Variants in EPX observed in about 807,000 individuals in gnomAD.
The protein encoded by EPX is eosinophil peroxidase.
EPX carries 60 observed loss-of-function variants against 73.0 expected under a neutral mutation model. The observed-to-expected ratio is 0.82, with a 90% CI of 0.67 to 1.02. EPX has a LOEUF of 1.02. EPX is among the 50% of genes least tolerant of loss of function. The probability of loss-of-function intolerance (pLI) is 0.00; values close to 1 mark genes in which losing one functional copy is unlikely to be tolerated. For synonymous variants in EPX, 347 were observed against 389.2 expected (o/e 0.89, Z 1.28); for missense variants, 950 against 973.9 (o/e 0.98, Z 0.33).
chr17:58,199,024 G>A lies in EPX; in HGVS notation c.1121-16G>A. On this transcript the variant is annotated splice_polypyrimidine_tract_variant and intron_variant, in intron 7 of 12. Coordinates refer to ENST00000225371, the MANE Select transcript of EPX (RefSeq NM_000502.6). ...CTGGGAAAGGCTGCAGTAAATCTGA[G>A]CTTGGGGTTTTCAAGGTGACACCCG... The A allele has an allele frequency of 3.1e-6, 5 of 1,612,926 alleles. No homozygotes were observed. Among genetic ancestry groups the A allele is most frequent in the Non-Finnish European group, 4.2e-6 (5 of 1,179,912 alleles).
chr17:58,199,100 A>G lies in EPX; in HGVS notation c.1181A>G (p.Glu394Gly), dbSNP rs761071437. The G allele has an allele frequency of 1.4e-5, 22 of 1,613,796 alleles. No homozygotes were observed. The highest frequency in any genetic ancestry group is 1.7e-5 in the Admixed American group (1 of 59,984). Residue 394 changes from glutamate to glycine, a missense_variant, in exon 8 of 13, where the codon GAG becomes GGG. Transcript: ENST00000225371. ...GCCATGCACACCCTCTTTATGCGAG[A>G]GCACAACCGGCTGGCCACCGAGCTG... The part of the protein sequence containing the change: ...LAAMHTLFMR[E>G]HNRLATELRR...
At chr17:58,199,250 GA>G in intron 8 of EPX, 50 bp downstream of exon 8, 1 of 1,589,738 alleles carries the variant, frequency 6.3e-7, no homozygotes, top group Non-Finnish European at 8.6e-7. Flanking sequence ...CTTGGCATGA[GA>G]AGCAGTCCTT....
rs375820407 is a variant in EPX at position 58,193,062 on chromosome 17, C to T, written c.101C>T (p.Ser34Leu). 17 of 1,612,812 alleles carry T rather than the reference C, an allele frequency of 1.1e-5. No individual in the cohort carries two copies. Among genetic ancestry groups the T allele is most frequent in the African/African-American group, 2.7e-5 (2 of 74,902 alleles). Residue 34 changes from serine (S) to leucine (L), a missense_variant, in exon 2 of 13, where the codon TCG (serine) becomes TTG (leucine). Ser to Leu is a moderately radical substitution (Grantham distance 145). Coordinates refer to ENST00000225371, the MANE Select transcript of EPX (RefSeq NM_000502.6). ...GCCTCCCCTGGGGCAGTGGAGACCT[C>T]GGTCCTGCGAGACTGCATAGCAGAG... Reference protein sequence around the residue: ...DPASPGAVETSVLRDCIAEAK... With the variant: ...DPASPGAVETLVLRDCIAEAK...
intron 11 of EPX, among the ~76,000 whole-genome samples, chr17:58,203,848 C>T (rs977159619): frequency 5.3e-5 from 7 of 132,494 alleles, no homozygotes; most frequent in East Asian, 2.5e-4. Context: ...AGGAGAATGG[C>T]GTGAACCCGG....
At chr17:58,200,439 G>A (rs761121520) in intron 10 of EPX, 44 bp downstream of exon 10, 7 of 1,590,708 alleles carry the variant, frequency 4.4e-6, no homozygotes, top group Non-Finnish European at 6.0e-6. Flanking sequence ...GCTCGGGCCA[G>A]GCTGCTCAAG....
rs762360092 is a variant in EPX at position 58,193,491 on chromosome 17, G to C, written c.291G>C (p.Leu97Phe). 21 of 1,614,072 alleles carry C rather than the reference G, an allele frequency of 1.3e-5. No homozygotes were observed. The highest frequency in any genetic ancestry group is 1.0e-5 in the Non-Finnish European group (12 of 1,180,040). The change falls in exon 3 of 13, where the codon TTG becomes TTC. Residue 97 changes from leucine to phenylalanine, a missense_variant. Physicochemically the swap from Leu to Phe is conservative, Grantham distance 22. Transcript: ENST00000225371. ...VRAADYMHVA[L>F]GLLEEKLQPQ... Reference sequence around the variant, plus strand: ...CCGCAGATTATATGCATGTGGCTTTGGGGCTGCTTGAAGAGAAGTTACAAC... The same window carrying C: ...CCGCAGATTATATGCATGTGGCTTTCGGGCTGCTTGAAGAGAAGTTACAAC...
In EPX at chr17:58,199,749, C is replaced by G. The variant is rs200146314; in HGVS notation, c.1492C>G (p.Pro498Ala). 1.2e-6 allele frequency: 2 copies of G among 1,614,206 alleles called. No individual in the cohort carries two copies. Residue 498 changes from proline (P) to alanine (A), a missense_variant, in exon 9 of 13, where the codon CCA (proline) becomes GCA (alanine). Coordinates refer to ENST00000225371, the MANE Select transcript of EPX (RefSeq NM_000502.6). The part of the protein sequence containing the change: ...YRASAPNSHV[P>A]LSSAFFASWR... ...GGCCTCCGCACCCAACTCGCATGTC[C>G]CACTTAGCTCTGCCTTCTTTGCCAG... is the stretch of plus-strand genomic sequence containing the variant.
At chr17:58,204,500 GGC>G in intron 12 of EPX, 66 bp downstream of exon 12, 3 of 951,568 alleles carry the variant, frequency 3.2e-6, no homozygotes, top group African/African-American at 1.6e-5. Context: ...CTGGATGGAT[GGC>G]TGAGTCCTCT....
At chr17:58,204,554 T>C in intron 12 of EPX, 120 bp downstream of exon 12, 2 of 663,306 alleles carry the variant, frequency 3.0e-6, no homozygotes, top group Admixed American at 2.3e-5. Context: ...CACTAGGTAC[T>C]CTTTCCAAGT....
rs1369184801 is a variant in EPX at position 58,193,946 on chromosome 17, C to A, written c.465-17C>A. ...CAGGCCCTGCCCCCTGCTAACCTAT[C>A]CCACCCATGGCTGCAGGAGGAGACC... On this transcript the variant is annotated splice_polypyrimidine_tract_variant and intron_variant, in intron 4 of 12. Coordinates refer to ENST00000225371, the MANE Select transcript of EPX (RefSeq NM_000502.6). 2.5e-6 allele frequency: 4 copies of A among 1,612,854 alleles called. No homozygotes were observed. The highest frequency in any genetic ancestry group is 3.4e-6 in the Non-Finnish European group (4 of 1,179,984).
rs1968270010 is a variant in EPX at position 58,197,170 on chromosome 17, G to A, written c.1033G>A (p.Gly345Ser). 10 of 1,614,050 alleles carry A rather than the reference G, an allele frequency of 6.2e-6. No individual in the cohort carries two copies. The highest frequency in any genetic ancestry group is 6.8e-6 in the Non-Finnish European group (8 of 1,180,008). ...CATCAACCAGCGCTTTCAAGACAAC[G>A]GCCGGGCCCTGCTGCCCTTCGACAA... ...LAINQRFQDN[G>S]RALLPFDNLH... is the part of the protein sequence containing the mutation. The change falls in exon 7 of 13, where the codon GGC becomes AGC. Residue 345 changes from glycine (G) to serine (S), a missense_variant. Coordinates refer to ENST00000225371, the MANE Select transcript of EPX (RefSeq NM_000502.6).
intron 2 of EPX, 116 bp downstream of exon 2, chr17:58,193,247 G>C (rs1360080542): frequency 8.0e-7 from 1 of 1,242,460 alleles, no homozygotes; most frequent in African/African-American, 1.5e-5. Flanking sequence ...TTTCCTGTTG[G>C]TAGAGCCTCC....
At chr17:58,195,595 A>T (rs1244556950) in intron 6 of EPX, among the ~76,000 whole-genome samples, 1 of 152,186 alleles carries the variant, frequency 6.6e-6, no homozygotes, top group Non-Finnish European at 1.5e-5. Flanking sequence ...TTCAGGCTAG[A>T]AGCCAAGGAC....
At chr17:58,197,406 TAGAATC>T (rs1968274552) in intron 7 of EPX, 149 bp downstream of exon 7, 1 of 962,790 alleles carries the variant, frequency 1.0e-6, no homozygotes, top group African/African-American at 1.8e-5. Context: ...ACAGCCATCA[TAGAATC>T]AGAACGTTGA....
chr17:58,199,050 A>T lies in EPX; in HGVS notation c.1131A>T (p.Arg377=), dbSNP rs1350932230. ...CTTGGGGTTTTCAAGGTGACACCCG[A>T]TCAACGGAAACCCCCAAACTGGCAG... ...RIPCFLAGDT[R]STETPKLAAM... The change falls in exon 8 of 13, where the codon CGA becomes CGT. Residue 377 remains arginine (R), a synonymous_variant. Coordinates refer to ENST00000225371, the MANE Select transcript of EPX (RefSeq NM_000502.6). The T allele has an allele frequency of 6.2e-7, 1 of 1,613,822 alleles. No homozygotes were observed. The highest frequency in any genetic ancestry group is 8.5e-7 in the Non-Finnish European group (1 of 1,180,004).
At chr17:58,193,629 G>A (rs1968209987) in intron 3 of EPX, 83 bp downstream of exon 3, 1 of 1,567,922 alleles carries the variant, frequency 6.4e-7, no homozygotes, top group Non-Finnish European at 8.8e-7. Flanking sequence ...GGGTGCACAG[G>A]TTTGGGGTGC....
chr17:58,193,256 C>G lies in EPX; in HGVS notation c.171-115C>G, dbSNP rs1968203426. 11 of 1,254,840 alleles carry G rather than the reference C, an allele frequency of 8.8e-6. No individual in the cohort carries two copies. In the South Asian group the frequency reaches 1.2e-4, roughly 14 times the overall value. 77.7% of individuals were successfully genotyped at this position (1,254,840 alleles called of 1,614,324 possible). The stretch of plus-strand genomic sequence containing the variant: ...TGAACATTTCCTGTTGGTAGAGCCT[C>G]CCTTCCATCCATCCTTCTGTCCGCT... On this transcript the variant is annotated intron_variant, in intron 2 of 12. Transcript: ENST00000225371.
chr17:58,201,349 C>G (rs747376668), intron 10 of EPX, among the ~76,000 whole-genome samples: 1 of 152,292 alleles, frequency 6.6e-6, no homozygotes, highest in East Asian at 1.9e-4. Flanking sequence ...CACCCCCTGC[C>G]GGAGAGCTGA....
In EPX at chr17:58,203,144, G is replaced by T; in HGVS notation, c.1772G>T (p.Arg591Leu). 1 of 1,614,204 alleles carries T rather than the reference G, an allele frequency of 6.2e-7. No individual in the cohort carries two copies. Among genetic ancestry groups the T allele is most frequent in the South Asian group, 1.1e-5 (1 of 91,090 alleles). Residue 591 changes from arginine (R) to leucine (L), a missense_variant, in exon 11 of 13, where the codon CGG becomes CTG. Physicochemically the swap from Arg to Leu is moderately radical, Grantham distance 102. Coordinates refer to ENST00000225371, the MANE Select transcript of EPX (RefSeq NM_000502.6). ...SQPRNLAQLS[R>L]VLKNQDLARK... ...CCCCGGAATTTGGCACAGCTTAGCC[G>T]GGTGCTGAAAAACCAGGACTTGGCA... is the stretch of plus-strand genomic sequence containing the variant.
Sources: gnomAD v4.1 joint callset for allele counts (sites outside exome capture counted in the v4.1 genomes callset) on GRCh38, gnomAD v4.1.1 for gene constraint, MANE v1.5 for transcripts, NCBI Gene and HGNC (gene_info 2026-07-23, HGNC 2026-07-21) for gene names.